PTPRD: variants seen among roughly 807,000 people sequenced by gnomAD.
PTPRD encodes protein tyrosine phosphatase receptor type D.
PTPRD carries 34 observed loss-of-function variants against 214.5 expected under a neutral mutation model. That is an observed-to-expected ratio of 0.16 (90% confidence interval 0.12 to 0.21). The LOEUF (loss-of-function observed/expected upper bound fraction) is 0.21. PTPRD is among the 10% of genes least tolerant of loss of function. The probability of loss-of-function intolerance (pLI) is 1.00; values close to 1 mark genes in which losing one functional copy is unlikely to be tolerated. For synonymous variants in PTPRD, 1,128 were observed against 845.7 expected (o/e 1.33, Z -5.79); for missense variants, 2,545 against 2,398.7 (o/e 1.06, Z -1.27).
intron 21 of PTPRD, among the ~76,000 whole-genome samples, chr9:8,513,726 T>A (rs1340533756): frequency 6.6e-6 from 1 of 152,050 alleles, no homozygotes; most frequent in Non-Finnish European, 1.5e-5. Context: ...TCCTTTTTCT[T>A]AAGGAGCAGC....
At chr9:9,598,038 T>C (rs2093485912) in intron 7 of PTPRD, among the ~76,000 whole-genome samples, 3 of 152,028 alleles carry the variant, frequency 2.0e-5, no homozygotes, top group South Asian at 4.1e-4. Context: ...TCCTGCCACT[T>C]GTACAGGACT....
chr9:9,926,654 A>C (rs1242531972), intron 5 of PTPRD, among the ~76,000 whole-genome samples: 1 of 152,188 alleles, frequency 6.6e-6, no homozygotes, highest in Non-Finnish European at 1.5e-5. Flanking sequence ...TATATGACTT[A>C]TTGTTGACAA....
chr9:10,394,632 C>A (rs1465312999), intron 2 of PTPRD, among the ~76,000 whole-genome samples: 6 of 151,854 alleles, frequency 4.0e-5, no homozygotes, highest in Non-Finnish European at 8.8e-5. Flanking sequence ...ACTCGCACAT[C>A]CTAATAGTCA....
At chr9:9,699,878 T>C (rs1293314778) in intron 7 of PTPRD, among the ~76,000 whole-genome samples, 8 of 152,210 alleles carry the variant, frequency 5.3e-5, no homozygotes, top group Non-Finnish European at 1.2e-4. Context: ...TCATTTAATC[T>C]AGGGTTGCAA....
intron 9 of PTPRD, among the ~76,000 whole-genome samples, chr9:9,258,893 T>C (rs994766720): frequency 2.6e-5 from 4 of 151,932 alleles, no homozygotes; most frequent in Admixed American, 2.6e-4. Context: ...TAAACGGATA[T>C]CTAATTTTTT....
intron 11 of PTPRD, among the ~76,000 whole-genome samples, chr9:8,825,215 G>C (rs905041597): frequency 6.6e-6 from 1 of 152,154 alleles, no homozygotes; most frequent in African/African-American, 2.4e-5. Context: ...ACCCTGTATA[G>C]GGACTGTTTT....
Position 10,089,806 on chromosome 9 carries a change from C to T in PTPRD, c.-544-56016G>A, listed in dbSNP as rs140643546. 7.8e-4 allele frequency among the ~76,000 whole-genome samples: 119 copies of T among 151,698 alleles called. 2 individuals carry two copies. The South Asian group carries it at 0.022, about 28-fold the overall frequency. ...ATTAAATGAACTAGGTGACGGGCAT[C>T]GGGGCAACCAGAAAACTTGTAAAAT... On this transcript the variant is annotated intron_variant, in intron 3 of 45. Transcript: ENST00000381196.
intron 14 of PTPRD, among the ~76,000 whole-genome samples, chr9:8,577,111 T>A (rs1296600082): frequency 6.6e-6 from 1 of 152,164 alleles, no homozygotes; most frequent in Non-Finnish European, 1.5e-5. Context: ...AGCTTCCTTT[T>A]TTCCACTCTC....
At chr9:8,560,125 T>G (rs2085576701) in intron 14 of PTPRD, among the ~76,000 whole-genome samples, 1 of 152,216 alleles carries the variant, frequency 6.6e-6, no homozygotes. Context: ...GTTTTAAGCT[T>G]GCCTCTATTC....
chr9:8,846,094 T>C (rs1013649784), intron 11 of PTPRD, among the ~76,000 whole-genome samples: 2 of 152,214 alleles, frequency 1.3e-5, no homozygotes. Context: ...TAGTGGCATA[T>C]GAGTAGATAC....
intron 4 of PTPRD, among the ~76,000 whole-genome samples, chr9:10,025,413 T>C (rs181220728): frequency 6.6e-6 from 1 of 152,322 alleles, no homozygotes; most frequent in African/African-American, 2.4e-5. Context: ...AATTTTATGA[T>C]TCTTAAGCAA....
chr9:10,144,369 T>G (rs1564104344), intron 3 of PTPRD, among the ~76,000 whole-genome samples: 1 of 152,182 alleles, frequency 6.6e-6, no homozygotes, highest in East Asian at 1.9e-4. Flanking sequence ...GATGAAGAAT[T>G]GGTGACACTC....
At chr9:9,260,479 G>A (rs1428588714) in intron 9 of PTPRD, among the ~76,000 whole-genome samples, 2 of 151,772 alleles carry the variant, frequency 1.3e-5, no homozygotes, top group Non-Finnish European at 2.9e-5. Flanking sequence ...GTACAATAGC[G>A]CCTCTTGTCA....
chr9:9,487,053 T>A (rs953954200), intron 8 of PTPRD, among the ~76,000 whole-genome samples: 7 of 152,146 alleles, frequency 4.6e-5, no homozygotes, highest in African/African-American at 1.7e-4. Context: ...TCATTACTCA[T>A]TTTCTTTTTT....
At chr9:8,483,417 G>A (rs983481570) in intron 30 of PTPRD, among the ~76,000 whole-genome samples, 1 of 151,848 alleles carries the variant, frequency 6.6e-6, no homozygotes, top group African/African-American at 2.4e-5. Flanking sequence ...AAATATTAGA[G>A]TTAATCACCT....
intron 3 of PTPRD, among the ~76,000 whole-genome samples, chr9:10,045,989 C>T (rs1256391059): frequency 6.6e-6 from 1 of 151,496 alleles, no homozygotes; most frequent in Non-Finnish European, 1.5e-5. Flanking sequence ...TTTCTAAATC[C>T]AAGAAAGATG....
chr9:10,075,756 T>A (rs778302772), intron 3 of PTPRD, among the ~76,000 whole-genome samples: 2 of 152,094 alleles, frequency 1.3e-5, no homozygotes, highest in African/African-American at 2.4e-5. Context: ...AGGATCTTTG[T>A]AAAATTGAAG....
At chr9:9,069,371 T>C (rs538706593) in intron 10 of PTPRD, among the ~76,000 whole-genome samples, 3 of 152,326 alleles carry the variant, frequency 2.0e-5, no homozygotes, top group South Asian at 4.1e-4. Context: ...CTGGCTTTCA[T>C]ACATTCATGA....
intron 2 of PTPRD, among the ~76,000 whole-genome samples, chr9:10,387,186 G>C (rs1024197357): frequency 1.3e-5 from 2 of 151,822 alleles, no homozygotes; most frequent in African/African-American, 4.8e-5. Flanking sequence ...ATAAATTTGT[G>C]TTGTTTTAAG....
Sources: allele counts gnomAD v4.1 joint callset (sites outside exome capture counted in the v4.1 genomes callset), GRCh38; gene constraint gnomAD v4.1.1; transcripts MANE v1.5; gene names NCBI Gene and HGNC (gene_info 2026-07-23, HGNC 2026-07-21).